The following SCAI variants were observed in gnomAD, a reference collection of about 807,000 sequenced individuals.
SCAI encodes the protein suppressor of cancer cell invasion, also known as protein SCAI.
In SCAI, 24 loss-of-function variants were observed where a neutral mutation model predicts 92.2. The ratio of observed to expected loss-of-function variants is 0.26; its 90% confidence interval spans 0.19 to 0.37. The LOEUF (loss-of-function observed/expected upper bound fraction) is 0.37. Ranked by LOEUF, SCAI falls within the 10% of genes least tolerant of loss-of-function variation. The pLI, the probability that SCAI is intolerant of heterozygous loss-of-function variation, is 1.00. For missense variants in SCAI, 450 were observed against 736.2 expected (o/e 0.61, Z 4.50); for synonymous variants, 261 against 258.6 (o/e 1.01, Z -0.09).
rs759949609 is a variant in SCAI at position 125,029,627 on chromosome 9, C to T, written c.326+17G>A. On this transcript the variant is annotated intron_variant, in intron 4 of 17. Transcript: ENST00000336505. The stretch of plus-strand genomic sequence containing the variant: ...AAAACAGGCCTTCACTCTCCTTTAA[C>T]TATAAAATTCATTTACCGATGCTGC... 1.3e-6 allele frequency: 2 copies of T among 1,552,162 alleles called. No individual in the cohort carries two copies. The highest frequency in any genetic ancestry group is 1.1e-5 in the South Asian group (1 of 88,950).
At chr9:125,003,430 G>C (rs933857041) in intron 10 of SCAI, 39 bp downstream of exon 10, 1 of 1,372,574 alleles carries the variant, frequency 7.3e-7, no homozygotes, top group Admixed American at 1.7e-5. Context: ...GACGCAGCCA[G>C]AGGGTTACCA....
At chr9:124,970,093 C>G (rs1257921985) in intron 17 of SCAI, among the ~76,000 whole-genome samples, 1 of 152,034 alleles carries the variant, frequency 6.6e-6, no homozygotes, top group Non-Finnish European at 1.5e-5. Flanking sequence ...AGCTTGTGAT[C>G]TGCCTGCCTC....
chr9:125,053,260 G>T (rs1833598132), intron 3 of SCAI, among the ~76,000 whole-genome samples: 1 of 152,138 alleles, frequency 6.6e-6, no homozygotes, highest in African/African-American at 2.4e-5. Context: ...CTTGAACCCA[G>T]GAGGCGGAGG....
At chr9:125,115,098 C>T (rs943646613) in intron 2 of SCAI, among the ~76,000 whole-genome samples, 1 of 151,914 alleles carries the variant, frequency 6.6e-6, no homozygotes, top group South Asian at 2.1e-4. Flanking sequence ...AGCAGCCGGG[C>T]GCGGTGGTTC....
intron 6 of SCAI, among the ~76,000 whole-genome samples, chr9:125,022,699 T>A (rs544838408): frequency 6.6e-6 from 1 of 152,312 alleles, no homozygotes; most frequent in South Asian, 2.1e-4. Flanking sequence ...ATAACAGGTG[T>A]GAGTCACCGC....
intron 14 of SCAI, among the ~76,000 whole-genome samples, chr9:124,977,267 T>C (rs1427809736): frequency 6.6e-6 from 1 of 152,170 alleles, no homozygotes; most frequent in African/African-American, 2.4e-5. Flanking sequence ...CCACAGACTT[T>C]TTTTCCTACA....
At chr9:124,991,088 C>T (rs1196485430) in intron 14 of SCAI, among the ~76,000 whole-genome samples, 1 of 152,164 alleles carries the variant, frequency 6.6e-6, no homozygotes, top group Non-Finnish European at 1.5e-5. Context: ...CGCAGTGGCT[C>T]ATGCCTACAA....
At chr9:125,089,200 A>G (rs1834381242) in intron 2 of SCAI, among the ~76,000 whole-genome samples, 1 of 152,200 alleles carries the variant, frequency 6.6e-6, no homozygotes, top group African/African-American at 2.4e-5. Flanking sequence ...TGTAGTTCAG[A>G]CTACCTCAAG....
intron 2 of SCAI, among the ~76,000 whole-genome samples, chr9:125,102,938 C>A (rs1834708506): frequency 6.6e-6 from 1 of 152,112 alleles, no homozygotes; most frequent in African/African-American, 2.4e-5. Flanking sequence ...TCATCTCTCT[C>A]TTTCTCTATA....
At chr9:125,054,536 C>G (rs1253521240) in intron 3 of SCAI, among the ~76,000 whole-genome samples, 1 of 145,142 alleles carries the variant, frequency 6.9e-6, no homozygotes, top group South Asian at 2.2e-4. Context: ...ACCTGGAAGG[C>G]AAAGAGAAAA....
intron 2 of SCAI, among the ~76,000 whole-genome samples, chr9:125,063,321 G>T (rs1191481231): frequency 6.6e-6 from 1 of 150,512 alleles, no homozygotes; most frequent in Non-Finnish European, 1.5e-5. Context: ...AGGTTGCAGT[G>T]AGCCAAGATC....
At chr9:125,042,664 C>CACATACAT (rs1554783903) in intron 3 of SCAI, among the ~76,000 whole-genome samples, 2 of 129,756 alleles carry the variant, frequency 1.5e-5, no homozygotes, top group Non-Finnish European at 3.2e-5. Context: ...CACACACACA[C>CACATACAT]ACATATACAA....
chr9:125,131,729 C>T (rs762389881), intron 2 of SCAI, among the ~76,000 whole-genome samples: 4 of 152,196 alleles, frequency 2.6e-5, no homozygotes, highest in Non-Finnish European at 5.9e-5. Context: ...GACCATGCTA[C>T]AAGAAATGGC....
intron 2 of SCAI, among the ~76,000 whole-genome samples, chr9:125,099,870 T>C (rs887911259): frequency 2.0e-5 from 3 of 152,252 alleles, no homozygotes; most frequent in Non-Finnish European, 4.4e-5. Context: ...CAGAATTTCA[T>C]TGCTTTTTAT....
chr9:125,117,443 A>C (rs1432054908), intron 2 of SCAI, among the ~76,000 whole-genome samples: 3 of 152,130 alleles, frequency 2.0e-5, no homozygotes, highest in African/African-American at 4.8e-5. Context: ...AGGTGGGTAG[A>C]TCACCTGAGG....
At chr9:124,989,557 G>A (rs575248594) in intron 14 of SCAI, among the ~76,000 whole-genome samples, 1 of 152,154 alleles carries the variant, frequency 6.6e-6, no homozygotes, top group Admixed American at 6.5e-5. Context: ...CTCCAGCCTG[G>A]GTGACAAGAG....
intron 2 of SCAI, among the ~76,000 whole-genome samples, chr9:125,058,114 T>C (rs1025324979): frequency 7.1e-6 from 1 of 141,624 alleles, no homozygotes; most frequent in Non-Finnish European, 1.5e-5. Context: ...AAAAAAAAAA[T>C]TCTTTTTTAA....
chr9:124,958,766 G>A (rs1317667964), intron 17 of SCAI, among the ~76,000 whole-genome samples: 1 of 152,048 alleles, frequency 6.6e-6, no homozygotes, highest in African/African-American at 2.4e-5. Context: ...AATTAGCTGG[G>A]TGTGGTGGTG....
At chr9:125,136,364 A>G (rs1039146134) in intron 2 of SCAI, among the ~76,000 whole-genome samples, 3 of 151,832 alleles carry the variant, frequency 2.0e-5, no homozygotes, top group Admixed American at 2.0e-4. Context: ...ATCTGCCTCA[A>G]TTAATTCATC....
Sources: gnomAD v4.1 joint callset for allele counts (sites outside exome capture counted in the v4.1 genomes callset) on GRCh38, gnomAD v4.1.1 for gene constraint, MANE v1.5 for transcripts, NCBI Gene and HGNC (gene_info 2026-07-23, HGNC 2026-07-21) for gene names.